The following PLEKHG3 variants were observed in gnomAD, a reference collection of about 807,000 sequenced individuals.
PLEKHG3 encodes the protein pleckstrin homology and RhoGEF domain containing G3.
PLEKHG3 carries 62 observed loss-of-function variants against 94.9 expected under a neutral mutation model. That is an observed-to-expected ratio of 0.65 (90% confidence interval 0.53 to 0.81). The LOEUF is 0.81. Among genes scored for constraint, PLEKHG3 ranks in the 30% least tolerant of loss-of-function variants. The probability of loss-of-function intolerance (pLI) is 0.00; values close to 1 mark genes in which losing one functional copy is unlikely to be tolerated. For synonymous variants in PLEKHG3, 614 were observed against 654.0 expected (o/e 0.94, Z 0.93); for missense variants, 1,461 against 1,619.3 (o/e 0.90, Z 1.68).
In PLEKHG3 at chr14:64,741,017, CT is replaced by C; in HGVS notation, c.1519-15del. On this transcript the variant is annotated intron_variant, in intron 15 of 16. Transcript: ENST00000247226. The stretch of plus-strand genomic sequence containing the variant: ...AAGGAGGCTTTTTACTCATGTGAGC[CT>C]TTTCTGCTATGTTTCAGGTTGAGCC... 1.9e-6 allele frequency: 3 copies of C among 1,547,162 alleles called. No homozygotes were observed. The highest frequency in any genetic ancestry group is 2.6e-6 in the Non-Finnish European group (3 of 1,145,644).
In PLEKHG3 at chr14:64,741,983, G is replaced by A. The variant is rs1187322488; in HGVS notation, c.2466G>A (p.Glu822=). 1 of 1,570,378 alleles carries A rather than the reference G, an allele frequency of 6.4e-7. No individual in the cohort carries two copies. The highest frequency in any genetic ancestry group is 8.6e-7 in the Non-Finnish European group (1 of 1,160,186). The change falls in exon 16 of 17, where the codon GAG becomes GAA. Residue 822 remains glutamate, a synonymous_variant. Coordinates refer to ENST00000247226, the MANE Select transcript of PLEKHG3 (RefSeq NM_001308147.2). ...TTGTGAAGATCTGGGAGGGAATGGA[G>A]TCTTCCGGAGGGAGCCCTGGGAAGG... ...SEIVKIWEGM[E]SSGGSPGKGP... is the part of the protein sequence containing the mutation.
At chr14:64,713,471 T>G (rs771089792) in intron 1 of PLEKHG3, among the ~76,000 whole-genome samples, 11 of 152,250 alleles carry the variant, frequency 7.2e-5, no homozygotes, top group Non-Finnish European at 1.0e-4. Flanking sequence ...TTTAATCTCT[T>G]GTTTAGACTT....
At position 64,731,324 on chromosome 14, in the gene PLEKHG3, T is replaced by C. The variant is rs141202610; in HGVS notation, c.850-37T>C. The C allele has an allele frequency of 3.6e-4, 559 of 1,567,198 alleles. 4 individuals carry two copies. The highest frequency in any genetic ancestry group is 2.8e-3 in the Middle Eastern group (13 of 4,660). Reference sequence around the variant, plus strand: ...TTTGCAGAGCCTCCTAAGGCCCCAGTGGCCTGACTCTAGGGATTGGGGCCC... The same window carrying C: ...TTTGCAGAGCCTCCTAAGGCCCCAGCGGCCTGACTCTAGGGATTGGGGCCC... On this transcript the variant is annotated intron_variant, in intron 7 of 16. Coordinates refer to ENST00000247226, the MANE Select transcript of PLEKHG3 (RefSeq NM_001308147.2). This position sits in a 1 kb window ranked among gnomAD's most constrained non-coding sequence, Gnocchi z 6.1.
intron 14 of PLEKHG3, chr14:64,737,782 C>T (rs2081600083): frequency 2.8e-6 from 2 of 717,050 alleles, no homozygotes; most frequent in South Asian, 2.1e-5. Flanking sequence ...TGTGTGAAGG[C>T]TCCCCCCCCG....
In PLEKHG3 at chr14:64,727,647, TCCCTC is replaced by T; in HGVS notation, c.18_22del (p.Leu7ProfsTer23). Reference sequence around the variant, plus strand: ...CAATGCCAGGATGCCTGTGTCCACCTCCCTCCACCAGGATGGCAGCCAGGAGCGGC... The same window carrying T: ...CAATGCCAGGATGCCTGTGTCCACCTCACCAGGATGGCAGCCAGGAGCGGC... On this transcript the variant is annotated frameshift_variant, in exon 2 of 17. Transcript: ENST00000247226. LOFTEE classifies it high-confidence loss of function. This position sits in a 1 kb window ranked among gnomAD's most constrained non-coding sequence, Gnocchi z 6.0. 1.9e-6 allele frequency: 3 copies of T among 1,611,086 alleles called. No homozygotes were observed. Among genetic ancestry groups the T allele is most frequent in the Non-Finnish European group, 2.5e-6 (3 of 1,178,582 alleles).
chr14:64,727,652 C>A lies in PLEKHG3; in HGVS notation c.21C>A (p.Leu7=), dbSNP rs138320740. 1.9e-6 allele frequency: 3 copies of A among 1,611,986 alleles called. No individual in the cohort carries two copies. Among genetic ancestry groups the A allele is most frequent in the African/African-American group, 2.7e-5 (2 of 75,058 alleles). ...CCAGGATGCCTGTGTCCACCTCCCT[C>A]CACCAGGATGGCAGCCAGGAGCGGC... MPVSTS[L]HQDGSQERPV... Residue 7 remains leucine, a synonymous_variant, in exon 2 of 17, where the codon CTC becomes CTA. Transcript: ENST00000247226. The surrounding 1 kb of genome is among the most constrained non-coding windows in gnomAD (Gnocchi z 6.0).
chr14:64,743,502 C>A lies in PLEKHG3; in HGVS notation c.3459C>A (p.Pro1153=). The A allele has an allele frequency of 6.2e-7, 1 of 1,613,148 alleles. No individual in the cohort carries two copies. Among genetic ancestry groups the A allele is most frequent in the East Asian group, 2.2e-5 (1 of 44,882 alleles). Residue 1153 remains proline, a synonymous_variant, in exon 17 of 17, where the codon CCC becomes CCA. Transcript: ENST00000247226. The surrounding 1 kb of genome is among the most constrained non-coding windows in gnomAD (Gnocchi z 7.2). ...RVIVMEKGPL[P]SPTAGLEESS... is the part of the protein sequence containing the mutation. The stretch of plus-strand genomic sequence containing the variant: ...TTGTCATGGAGAAGGGACCCCTTCC[C>A]AGCCCCACTGCAGGGCTGGAGGAGA...
rs1475286802 is a variant in PLEKHG3, at chr14:64,741,034, A to G, written c.1519-2A>G. ...ATGTGAGCCTTTTCTGCTATGTTTC[A>G]GGTTGAGCCGGACCCTGAGGCTGGG... On this transcript the variant is annotated splice_acceptor_variant, in intron 15 of 16. Coordinates refer to ENST00000247226, the MANE Select transcript of PLEKHG3 (RefSeq NM_001308147.2). LOFTEE classifies it high-confidence loss of function. 6 of 1,568,316 alleles carry G rather than the reference A, an allele frequency of 3.8e-6. No homozygotes were observed.
rs904241202 is a variant in PLEKHG3 at position 64,748,832 on chromosome 14, T to G, written c.*5129T>G. On this transcript the variant is annotated 3_prime_UTR_variant, in exon 17 of 17. Transcript: ENST00000247226. ...TGGCCATGCATTTCCAGTGTCTTCT[T>G]CCTTTCCCCTTTCCCTGGCTGCCAC... 2 of 167,420 alleles carry G rather than the reference T, an allele frequency of 1.2e-5. No individual in the cohort carries two copies. Among genetic ancestry groups the G allele is most frequent in the Non-Finnish European group, 2.5e-5 (2 of 80,788 alleles). The allele number at this position is 167,420 out of a possible 1,614,324, so 10.4% of individuals were successfully genotyped here. A position where few individuals can be genotyped will look rare whatever the true frequency, so the allele number is the denominator to read the frequency against.
Position 64,716,474 on chromosome 14 carries a change from CACACACA to C in PLEKHG3, c.-39-11111_-39-11105del, listed in dbSNP as rs2081155811. Among the ~76,000 whole-genome samples the C allele has an allele frequency of 5.8e-5, 8 of 137,956 alleles. No homozygotes were observed. The highest frequency in any genetic ancestry group is 2.2e-4 in the African/African-American group (8 of 35,758). 90.5% of individuals were successfully genotyped at this position (137,956 alleles called of 152,430 possible). On this transcript the variant is annotated intron_variant, in intron 1 of 16. Coordinates refer to ENST00000247226, the MANE Select transcript of PLEKHG3 (RefSeq NM_001308147.2). This position sits in a 1 kb window ranked among gnomAD's most constrained non-coding sequence, Gnocchi z 5.0. ...CACACACACACACACACAACACACACACACACAACACACACACACACAACACACACAC... is the reference window on the plus strand; with the variant it reads ...CACACACACACACACACAACACACACACACACACACACACAACACACACAC...
At position 64,728,824 on chromosome 14, in the gene PLEKHG3, A is replaced by G. The variant is rs763537266; in HGVS notation, c.352-172A>G. Among the ~76,000 whole-genome samples, 5 of 152,218 alleles carry G rather than the reference A, an allele frequency of 3.3e-5. No individual in the cohort carries two copies. The highest frequency in any genetic ancestry group is 6.5e-5 in the Admixed American group (1 of 15,280). On this transcript the variant is annotated intron_variant, in intron 2 of 16. Coordinates refer to ENST00000247226, the MANE Select transcript of PLEKHG3 (RefSeq NM_001308147.2). The surrounding 1 kb of genome is among the most constrained non-coding windows in gnomAD (Gnocchi z 5.9). ...ATCCACAAAGACCTTATTTCCAAAT[A>G]AAGTCACATTCTGGGGTTCCAAGTG...
intron 14 of PLEKHG3, among the ~76,000 whole-genome samples, chr14:64,737,702 C>T (rs1463490727): frequency 6.6e-6 from 1 of 152,202 alleles, no homozygotes; most frequent in Non-Finnish European, 1.5e-5. Context: ...CCAGCCTTTC[C>T]ACCATGAGAA....
Position 64,732,712 on chromosome 14 carries a change from G to A in PLEKHG3, c.1247-91G>A. The A allele has an allele frequency of 1.0e-6, 1 of 975,858 alleles. No homozygotes were observed. The highest frequency in any genetic ancestry group is 1.6e-6 in the Non-Finnish European group (1 of 636,124). The allele number at this position is 975,858 out of a possible 1,614,324, so 60.4% of individuals were successfully genotyped here. On this transcript the variant is annotated intron_variant, in intron 11 of 16. Transcript: ENST00000247226. The surrounding 1 kb of genome is among the most constrained non-coding windows in gnomAD (Gnocchi z 4.9). ...GGCTCCTGGCCCTGGAGCTGGGTGG[G>A]TATAGAGGTCTGGCTGGTTATGGAC... is the stretch of plus-strand genomic sequence containing the variant.
rs1377444436 is a variant in PLEKHG3 at position 64,747,445 on chromosome 14, G to T, written c.*3742G>T. ...ATACACACTAGGTTCCCTGTATAGG[G>T]TCATATGTACCAAAGCCAAATGAAG... On this transcript the variant is annotated 3_prime_UTR_variant, in exon 17 of 17. Coordinates refer to ENST00000247226, the MANE Select transcript of PLEKHG3 (RefSeq NM_001308147.2). 34 of 152,664 alleles carry T rather than the reference G, an allele frequency of 2.2e-4. No individual in the cohort carries two copies. Among genetic ancestry groups the T allele is most frequent in the Admixed American group, 2.2e-3 (34 of 15,286 alleles). 9.5% of individuals were successfully genotyped at this position (152,664 alleles called of 1,614,324 possible). A position where few individuals can be genotyped will look rare whatever the true frequency, so the allele number is the denominator to read the frequency against.
At position 64,716,496 on chromosome 14, in the gene PLEKHG3, A is replaced by ACAACACACAC. The variant is rs1555359440; in HGVS notation, c.-39-11097_-39-11096insCAACACACAC. ...ACACACACACAACACACACACACAC[A>ACAACACACAC]ACACACACACACACACACACACACA... On this transcript the variant is annotated intron_variant, in intron 1 of 16. Transcript: ENST00000247226. This position sits in a 1 kb window ranked among gnomAD's most constrained non-coding sequence, Gnocchi z 5.0. Among the ~76,000 whole-genome samples the ACAACACACAC allele has an allele frequency of 3.8e-5, 3 of 79,542 alleles. No individual in the cohort carries two copies. The highest frequency in any genetic ancestry group is 4.9e-4 in the East Asian group (1 of 2,044). The allele number at this position is 79,542 out of a possible 152,430, so 52.2% of individuals were successfully genotyped here. A position where few individuals can be genotyped will look rare whatever the true frequency, so the allele number is the denominator to read the frequency against.
At position 64,715,217 on chromosome 14, in the gene PLEKHG3, TA is replaced by T. The variant is rs539484021; in HGVS notation, c.-40+10520del. Among the ~76,000 whole-genome samples, 1 of 152,004 alleles carries T rather than the reference TA, an allele frequency of 6.6e-6. No homozygotes were observed. Among genetic ancestry groups the T allele is most frequent in the Non-Finnish European group, 1.5e-5 (1 of 67,954 alleles). On this transcript the variant is annotated intron_variant, in intron 1 of 16. Coordinates refer to ENST00000247226, the MANE Select transcript of PLEKHG3 (RefSeq NM_001308147.2). This position sits in a 1 kb window ranked among gnomAD's most constrained non-coding sequence, Gnocchi z 4.4. The stretch of plus-strand genomic sequence containing the variant: ...ACTTGTGAGCAAAAAGTGTTACTTG[TA>T]AAAAAAGCAAAAAGTGCATGAGAGC...
chr14:64,732,935 C>T lies in PLEKHG3; in HGVS notation c.1345+34C>T, dbSNP rs761229588. ...AGGGCTGTGGAGGCAGGAGGCCTCT[C>T]CCTCACACCCTTGCCCAGACTGGGG... On this transcript the variant is annotated intron_variant, in intron 12 of 16. Transcript: ENST00000247226. The surrounding 1 kb of genome is among the most constrained non-coding windows in gnomAD (Gnocchi z 4.9). The T allele has an allele frequency of 3.0e-6, 4 of 1,323,626 alleles. No homozygotes were observed. Among genetic ancestry groups the T allele is most frequent in the South Asian group, 2.5e-5 (2 of 80,736 alleles). 82.0% of individuals were successfully genotyped at this position (1,323,626 alleles called of 1,614,324 possible).
chr14:64,749,772 A>G lies in PLEKHG3; in HGVS notation c.*6069A>G, dbSNP rs1249559834. 2 of 1,571,482 alleles carry G rather than the reference A, an allele frequency of 1.3e-6. No individual in the cohort carries two copies. The highest frequency in any genetic ancestry group is 1.8e-5 in the Admixed American group (1 of 55,436). On this transcript the variant is annotated 3_prime_UTR_variant, in exon 17 of 17. Transcript: ENST00000247226. The surrounding 1 kb of genome is among the most constrained non-coding windows in gnomAD (Gnocchi z 4.7). ...TGGGCAGAGGGCTGGCTCTGATCCC[A>G]CAATACCCTGAGCCGAACATCCAGA...
rs2081639542 is a variant in PLEKHG3 at position 64,739,377 on chromosome 14, G to A, written c.1518+522G>A. Among the ~76,000 whole-genome samples the A allele has an allele frequency of 6.6e-6, 1 of 152,218 alleles. No individual in the cohort carries two copies. Among genetic ancestry groups the A allele is most frequent in the Non-Finnish European group, 1.5e-5 (1 of 68,038 alleles). ...CACTGAGCAGCTTCTGAGGCGCGGGGCTGAGATCAGACCTGGGGCTGGGAC... is the reference window on the plus strand; with the variant it reads ...CACTGAGCAGCTTCTGAGGCGCGGGACTGAGATCAGACCTGGGGCTGGGAC... On this transcript the variant is annotated intron_variant, in intron 15 of 16. Transcript: ENST00000247226. This position sits in a 1 kb window ranked among gnomAD's most constrained non-coding sequence, Gnocchi z 4.1.
Sources: gnomAD v4.1 joint callset for allele counts (sites outside exome capture counted in the v4.1 genomes callset) on GRCh38, gnomAD v4.1.1 for gene constraint, Gnocchi (gnomAD v3.1) non-coding constraint, MANE v1.5 for transcripts, NCBI Gene and HGNC (gene_info 2026-07-23, HGNC 2026-07-21) for gene names.